DHX32: variants seen among roughly 807,000 people sequenced by gnomAD.
DHX32 encodes the protein DEAH-box helicase 32 (putative), also known as putative pre-mRNA-splicing factor ATP-dependent RNA helicase DHX32.
In DHX32, 51 loss-of-function variants were observed where a neutral mutation model predicts 70.0. The observed-to-expected ratio is 0.73, with a 90% confidence interval of 0.58 to 0.92. DHX32 has a LOEUF of 0.92. DHX32 is among the 40% of genes least tolerant of loss of function. The pLI is 0.00. For synonymous variants in DHX32, 310 were observed against 315.3 expected (o/e 0.98, Z 0.18); for missense variants, 762 against 891.8 (o/e 0.85, Z 1.85).
intron 6 of DHX32, among the ~76,000 whole-genome samples, chr10:125,843,441 T>C (rs912877416): frequency 9.9e-5 from 15 of 151,902 alleles, no homozygotes; most frequent in Non-Finnish European, 1.6e-4. Flanking sequence ...AAACCCCGTC[T>C]CAACTAAAAA....
At chr10:125,841,301 G>A (rs1182728855) in intron 7 of DHX32, 2 of 1,614,114 alleles carry the variant, frequency 1.2e-6, no homozygotes, top group East Asian at 2.2e-5. Flanking sequence ...ACAAGAAGAG[G>A]ATTGGAACCA....
upstream of DHX32, among the ~76,000 whole-genome samples, chr10:125,884,750 G>A (rs529085986): frequency 4.6e-5 from 7 of 151,940 alleles, no homozygotes. Flanking sequence ...TTTGTCCTGA[G>A]TAACTTATGT....
In DHX32 at chr10:125,859,608, C is replaced by A; in HGVS notation, c.844G>T (p.Glu282Ter). ...KGDIVVFLAC[E>*]QDIEKVCETV... The stretch of plus-strand genomic sequence containing the variant: ...TTAGAGTATCACTTACTTACTTGTT[C>A]ACAGGCCAGAAAGACTACAATGTCA... The change falls in exon 3 of 11, where the codon GAA (glutamate) becomes TAA (stop). Residue 282 changes from glutamate to a stop codon, truncating the protein, a stop_gained. Coordinates refer to ENST00000284690, the MANE Select transcript of DHX32 (RefSeq NM_018180.3). LOFTEE classifies it high-confidence loss of function. The A allele has an allele frequency of 6.4e-7, 1 of 1,572,562 alleles. No individual in the cohort carries two copies. Among genetic ancestry groups the A allele is most frequent in the South Asian group, 1.2e-5 (1 of 83,326 alleles).
intron 6 of DHX32, among the ~76,000 whole-genome samples, chr10:125,845,699 T>A (rs140687962): frequency 6.6e-6 from 1 of 152,334 alleles, no homozygotes; most frequent in East Asian, 1.9e-4. Context: ...CATGGTAAAC[T>A]GAAGAAAAGC....
chr10:125,842,223 A>G (rs1589704058), intron 6 of DHX32: 1 of 355,744 alleles, frequency 2.8e-6, no homozygotes, highest in East Asian at 6.3e-5. Context: ...GCAGTAGGAA[A>G]ACAATGCCAG....
At chr10:125,890,699 T>A (rs1190541493) in intron 1 of DHX32, 1 of 152,284 alleles carries the variant, frequency 6.6e-6, no homozygotes, top group Non-Finnish European at 1.5e-5. Flanking sequence ...TATTGAATAT[T>A]GTATTGCATA....
At chr10:125,861,418 A>C (rs1944187744) in intron 2 of DHX32, among the ~76,000 whole-genome samples, 1 of 152,150 alleles carries the variant, frequency 6.6e-6, no homozygotes, top group Non-Finnish European at 1.5e-5. Context: ...AATGGCGTGA[A>C]CTGGAGAGGC....
rs763427615 is a variant in DHX32 at position 125,839,080 on chromosome 10, G to A, written c.1802C>T (p.Pro601Leu). Residue 601 changes from proline (P) to leucine (L), a missense_variant, in exon 9 of 11, where the codon CCC becomes CTC. Around this residue, in one of 3 missense-constraint regions of DHX32, gnomAD observed 366 missense variants for 402.6 expected, o/e 0.91. Transcript: ENST00000284690. ...LLEIIKRIEL[P>L]YAEPAFGSKE... The stretch of plus-strand genomic sequence containing the variant: ...GGAGCCAAAAGCAGGTTCTGCATAG[G>A]GAAGCTCGATTCGCTTGATAATTTC... 1 of 1,614,150 alleles carries A rather than the reference G, an allele frequency of 6.2e-7. No homozygotes were observed. The highest frequency in any genetic ancestry group is 1.7e-5 in the Admixed American group (1 of 60,028).
At chr10:125,879,683 C>G (rs1204450840) in intron 1 of DHX32, among the ~76,000 whole-genome samples, 1 of 152,114 alleles carries the variant, frequency 6.6e-6, no homozygotes, top group Non-Finnish European at 1.5e-5. Context: ...AGGTCTCTCA[C>G]TCACATCGCC....
intron 2 of DHX32, among the ~76,000 whole-genome samples, chr10:125,865,078 G>T (rs1384365934): frequency 1.3e-5 from 2 of 151,252 alleles, no homozygotes; most frequent in Non-Finnish European, 2.9e-5. Context: ...AGTCTAGATG[G>T]TATTAAAGAT....
intron 10 of DHX32, among the ~76,000 whole-genome samples, chr10:125,837,396 C>G (rs967277547): frequency 1.6e-4 from 25 of 152,242 alleles, no homozygotes; most frequent in African/African-American, 5.8e-4. Flanking sequence ...TGCCATTGCC[C>G]CTCCTTTCCA....
rs548858356 is a variant in DHX32 at position 125,849,588 on chromosome 10, AGAATATTTGCTC to A, written c.1351+2693_1351+2704del. Among the ~76,000 whole-genome samples, 343 of 152,236 alleles carry A rather than the reference AGAATATTTGCTC, an allele frequency of 2.3e-3. 1 individual carries two copies. Among genetic ancestry groups the A allele is most frequent in the African/African-American group, 7.7e-3 (321 of 41,548 alleles). ...GCTGTGGCCTCCTGACAGTCATGCT[AGAATATTTGCTC>A]GACTCTCTGGGCTGTTTGGGCAGTG... On this transcript the variant is annotated intron_variant, in intron 6 of 10. Transcript: ENST00000284690.
At chr10:125,883,075 G>GTTT (rs1804163273), upstream of DHX32, among the ~76,000 whole-genome samples, 1 of 152,072 alleles carries the variant, frequency 6.6e-6, no homozygotes. Flanking sequence ...CTCCCTAAGA[G>GTTT]TGTAATAATC....
chr10:125,854,077 C>G lies in DHX32; in HGVS notation c.976G>C (p.Glu326Gln). The G allele has an allele frequency of 1.2e-6, 2 of 1,614,054 alleles. No individual in the cohort carries two copies. The highest frequency in any genetic ancestry group is 8.5e-7 in the Non-Finnish European group (1 of 1,179,980). Residue 326 changes from glutamate to glutamine, a missense_variant, in exon 4 of 11, where the codon GAA becomes CAA. By Grantham distance (29) the Glu-to-Gln change is conservative (BLOSUM62 2). Around this residue, in one of 3 missense-constraint regions of DHX32, gnomAD observed 394 missense variants for 473.1 expected, o/e 0.83. Transcript: ENST00000284690. ...CSLFKPLDET[E>Q]KRCQVYQRRV... The stretch of plus-strand genomic sequence containing the variant: ...CTTTGATAAACTTGGCATCTTTTTT[C>G]TGTTTCATCGAGTGGCTTGAACAAT...
chr10:125,848,744 G>A (rs550632629), intron 6 of DHX32, among the ~76,000 whole-genome samples: 1 of 152,294 alleles, frequency 6.6e-6, no homozygotes, highest in South Asian at 2.1e-4. Flanking sequence ...GGCCCCTGTG[G>A]TGCAGAGCTC....
intron 2 of DHX32, among the ~76,000 whole-genome samples, chr10:125,860,842 G>A (rs975049572): frequency 2.8e-5 from 3 of 105,770 alleles, no homozygotes; most frequent in African/African-American, 4.0e-5. Context: ...TGCAAGCTCC[G>A]CCTCCCGGGT....
At chr10:125,870,947 C>G (rs1309441577) in intron 1 of DHX32, among the ~76,000 whole-genome samples, 1 of 152,222 alleles carries the variant, frequency 6.6e-6, no homozygotes, top group African/African-American at 2.4e-5. Context: ...TAGCTAGAAT[C>G]GTTGCTGAAA....
intron 10 of DHX32, among the ~76,000 whole-genome samples, chr10:125,837,454 G>A (rs781589611): frequency 1.2e-4 from 19 of 152,078 alleles, no homozygotes; most frequent in African/African-American, 2.4e-4. Flanking sequence ...TTTAGACAGC[G>A]TCTTGGTCTG....
At chr10:125,894,397 G>A (rs12161659) in intron 1 of DHX32, among the ~76,000 whole-genome samples, 5 of 150,934 alleles carry the variant, frequency 3.3e-5, no homozygotes, top group East Asian at 1.9e-4. Context: ...TCCCTGCCTC[G>A]GACATTTCAG....
Sources: gnomAD v4.1 joint callset for allele counts (sites outside exome capture counted in the v4.1 genomes callset) on GRCh38, gnomAD v4.1.1 for gene constraint, gnomAD v4.1.1 regional missense constraint, MANE v1.5 for transcripts, NCBI Gene and HGNC (gene_info 2026-07-23, HGNC 2026-07-21) for gene names.